The following IL20RB variants were observed in gnomAD, a reference collection of about 807,000 sequenced individuals.
The protein encoded by IL20RB is interleukin 20 receptor subunit beta.
A neutral mutation model predicts 33.3 loss-of-function variants in IL20RB; 21 were observed. The ratio of observed to expected loss-of-function variants is 0.63; its 90% confidence interval spans 0.45 to 0.91. The LOEUF is 0.91. Among genes scored for constraint, IL20RB ranks in the 40% least tolerant of loss-of-function variants. The pLI is 0.00. For missense variants in IL20RB, 345 were observed against 384.8 expected, an observed-to-expected ratio of 0.90 and a Z score of 0.86; for synonymous variants, 147 against 146.8, an observed-to-expected ratio of 1.00 and a Z score of -0.01.
chr3:137,004,754 G>A (rs1942319106), intron 6 of IL20RB, among the ~76,000 whole-genome samples: 1 of 151,870 alleles, frequency 6.6e-6, no homozygotes, highest in Admixed American at 6.6e-5. Flanking sequence ...GTTTTTTTGT[G>A]TGTCTCTCTC....
chr3:136,980,651 T>C (rs1941748566), intron 2 of IL20RB, 59 bp downstream of exon 2: 1 of 1,598,176 alleles, frequency 6.3e-7, no homozygotes, highest in Non-Finnish European at 8.6e-7. Flanking sequence ...CCTGAAGGCA[T>C]AGCCCTTCCT....
Position 137,010,165 on chromosome 3 carries a change from A to T in IL20RB, c.878A>T (p.Asp293Val), listed in dbSNP as rs1272127231. ...ATCAGCTGCAGAAGGGAGGAGGTGG[A>T]TGCCTGTGCCACGGCTGTGATGTCT... is the stretch of plus-strand genomic sequence containing the variant. ...KLISCRREEV[D>V]ACATAVMSPE... Residue 293 changes from aspartate (D) to valine (V), a missense_variant, in exon 7 of 7, where the codon GAT becomes GTT. Asp to Val is a radical substitution (Grantham distance 152, BLOSUM62 -3). Transcript: ENST00000329582. 1.9e-6 allele frequency: 3 copies of T among 1,610,336 alleles called. No individual in the cohort carries two copies. Among genetic ancestry groups the T allele is most frequent in the Non-Finnish European group, 2.5e-6 (3 of 1,176,624 alleles).
intron 1 of IL20RB, among the ~76,000 whole-genome samples, chr3:136,969,919 G>A (rs543697058): frequency 6.6e-6 from 1 of 151,778 alleles, no homozygotes; most frequent in Non-Finnish European, 1.5e-5. Flanking sequence ...AGAACTTTTT[G>A]CCCAGCCCTG....
chr3:136,992,144 A>G, intron 5 of IL20RB, 56 bp downstream of exon 5: 1 of 1,582,186 alleles, frequency 6.3e-7, no homozygotes, highest in Non-Finnish European at 8.6e-7. Flanking sequence ...CCCTCCTGGC[A>G]TATCTCAGAG....
intron 1 of IL20RB, among the ~76,000 whole-genome samples, chr3:136,960,655 C>A (rs1477509474): frequency 1.3e-5 from 2 of 152,192 alleles, no homozygotes; most frequent in East Asian, 1.9e-4. Flanking sequence ...CCCCATTCCA[C>A]ACATTAGGGA....
chr3:136,985,842 C>T (rs957311948), intron 3 of IL20RB, among the ~76,000 whole-genome samples: 3 of 152,114 alleles, frequency 2.0e-5, no homozygotes, highest in Non-Finnish European at 4.4e-5. Context: ...GGTTGAGATC[C>T]ACTAGCAAAG....
chr3:137,007,822 A>G (rs747628524), intron 6 of IL20RB, among the ~76,000 whole-genome samples: 1 of 152,108 alleles, frequency 6.6e-6, no homozygotes, highest in Non-Finnish European at 1.5e-5. Context: ...CAATGAGATG[A>G]ACCAGGTACC....
intron 3 of IL20RB, among the ~76,000 whole-genome samples, chr3:136,983,282 T>G (rs779170946): frequency 1.3e-5 from 2 of 152,116 alleles, no homozygotes; most frequent in Non-Finnish European, 2.9e-5. Context: ...GAGACAGGGT[T>G]TCACTATGTT....
intron 3 of IL20RB, chr3:136,986,653 C>T (rs961024088): frequency 8.8e-6 from 4 of 456,634 alleles, no homozygotes; most frequent in Admixed American, 4.7e-5. Context: ...TGATGAGGGA[C>T]GCGATGGGGA....
intron 2 of IL20RB, among the ~76,000 whole-genome samples, chr3:136,981,296 T>TTAAATTAAATTAAATA: frequency 1.3e-5 from 2 of 152,230 alleles, no homozygotes; most frequent in East Asian, 3.9e-4. Flanking sequence ...TTAAATTAAA[T>TTAAATTAAATTAAATA]TAAAATGTCT....
At chr3:136,975,766 A>G (rs1251606358) in intron 1 of IL20RB, among the ~76,000 whole-genome samples, 1 of 152,188 alleles carries the variant, frequency 6.6e-6, no homozygotes, top group East Asian at 1.9e-4. Flanking sequence ...GGGCTGGTCT[A>G]CAGGCCCCAA....
intron 1 of IL20RB, among the ~76,000 whole-genome samples, chr3:136,971,086 C>G (rs1941469673): frequency 6.6e-6 from 1 of 152,070 alleles, no homozygotes; most frequent in Non-Finnish European, 1.5e-5. Context: ...CTATAGATAA[C>G]CCTAGTCTGC....
At chr3:136,969,747 A>G (rs543427289) in intron 1 of IL20RB, among the ~76,000 whole-genome samples, 3 of 151,904 alleles carry the variant, frequency 2.0e-5, no homozygotes, top group Non-Finnish European at 4.4e-5. Context: ...CTCTCTAGAT[A>G]CTAGTTCTTT....
rs1055523402 is a variant in IL20RB, at chr3:137,010,332, G to T, written c.*109G>T. On this transcript the variant is annotated 3_prime_UTR_variant, in exon 7 of 7. Transcript: ENST00000329582. ...CCGCCACGGACAAGGGATGAGAGAAGTAGGAAGAGCCTGTTGTCTACAAGT... is the reference window on the plus strand; with the variant it reads ...CCGCCACGGACAAGGGATGAGAGAATTAGGAAGAGCCTGTTGTCTACAAGT... 3.1e-5 allele frequency: 21 copies of T among 680,272 alleles called. No homozygotes were observed. Among genetic ancestry groups the T allele is most frequent in the Non-Finnish European group, 5.1e-5 (19 of 370,288 alleles). The allele number at this position is 680,272 out of a possible 1,614,324, so 42.1% of individuals were successfully genotyped here. A position where few individuals can be genotyped will look rare whatever the true frequency, so the allele number is the denominator to read the frequency against.
chr3:136,991,487 A>G (rs1446587206), intron 4 of IL20RB, among the ~76,000 whole-genome samples: 1 of 152,246 alleles, frequency 6.6e-6, no homozygotes, highest in East Asian at 1.9e-4. Flanking sequence ...GAGTGCCTGA[A>G]TGAATGTATG....
chr3:136,980,717 C>G (rs1263042378), intron 2 of IL20RB, 125 bp downstream of exon 2: 2 of 940,310 alleles, frequency 2.1e-6, no homozygotes, highest in African/African-American at 1.6e-5. Context: ...AAAGATCTAC[C>G]CCCTCTGTCT....
intron 3 of IL20RB, among the ~76,000 whole-genome samples, chr3:136,984,548 G>T (rs964962736): frequency 1.3e-5 from 2 of 151,932 alleles, no homozygotes; most frequent in South Asian, 4.1e-4. Flanking sequence ...GTTTGGGGCA[G>T]AATTTGCAGC....
intron 6 of IL20RB, among the ~76,000 whole-genome samples, chr3:137,007,361 T>C (rs541064611): frequency 1.3e-5 from 2 of 152,212 alleles, no homozygotes; most frequent in Non-Finnish European, 2.9e-5. Context: ...AGAAGTTGTC[T>C]GCTGCCTTTT....
chr3:136,991,453 C>T (rs1422609841), intron 4 of IL20RB, among the ~76,000 whole-genome samples: 1 of 152,122 alleles, frequency 6.6e-6, no homozygotes, highest in East Asian at 1.9e-4. Flanking sequence ...ATAGTAGGTA[C>T]TTAATAAATA....
Sources: allele counts gnomAD v4.1 joint callset (sites outside exome capture counted in the v4.1 genomes callset), GRCh38; gene constraint gnomAD v4.1.1; transcripts MANE v1.5; gene names NCBI Gene and HGNC (gene_info 2026-07-23, HGNC 2026-07-21).